The following PLEKHA7 variants were observed in gnomAD, a reference collection of about 807,000 sequenced individuals.
PLEKHA7 encodes the protein pleckstrin homology domain-containing family A member 7.
A neutral mutation model predicts 170.0 loss-of-function variants in PLEKHA7; 104 were observed. That is an observed-to-expected ratio of 0.61 (90% CI 0.52 to 0.72). The LOEUF (loss-of-function observed/expected upper bound fraction) is 0.72. PLEKHA7 is among the 30% of genes least tolerant of loss of function. The pLI is 0.00. For synonymous variants in PLEKHA7, 648 were observed against 660.8 expected, an observed-to-expected ratio of 0.98 and a Z score of 0.30; for missense variants, 1,615 against 1,671.7, an observed-to-expected ratio of 0.97 and a Z score of 0.59.
At chr11:17,000,902 T>C (rs962849734) in intron 3 of PLEKHA7, among the ~76,000 whole-genome samples, 2 of 152,204 alleles carry the variant, frequency 1.3e-5, no homozygotes, top group African/African-American at 2.4e-5. Flanking sequence ...CTCTAGGGCA[T>C]AGCTCCCATA....
chr11:16,811,704 G>A (rs1360316197), intron 13 of PLEKHA7, among the ~76,000 whole-genome samples: 2 of 152,204 alleles, frequency 1.3e-5, no homozygotes, highest in African/African-American at 2.4e-5. Flanking sequence ...CTGGCCTTGA[G>A]AGAAAGCTCC....
chr11:16,928,321 C>CA (rs1246195091), intron 3 of PLEKHA7, among the ~76,000 whole-genome samples: 1 of 151,498 alleles, frequency 6.6e-6, no homozygotes, highest in Admixed American at 6.6e-5. Context: ...AAAACAAAAA[C>CA]AAAAAAACAG....
chr11:16,830,899 T>C (rs893001664), intron 9 of PLEKHA7, among the ~76,000 whole-genome samples: 2 of 152,234 alleles, frequency 1.3e-5, no homozygotes, highest in Admixed American at 1.3e-4. Context: ...GGAGCTAATT[T>C]AACCATAATT....
At chr11:16,841,410 A>G (rs1851945955) in intron 9 of PLEKHA7, 137 bp downstream of exon 9, 6 of 974,822 alleles carry the variant, frequency 6.2e-6, no homozygotes, top group Non-Finnish European at 8.8e-6. Context: ...GTTTTTGTTT[A>G]ATGAAGAAAG....
chr11:16,805,780 A>T (rs1156956968), intron 13 of PLEKHA7, among the ~76,000 whole-genome samples: 5 of 131,038 alleles, frequency 3.8e-5, no homozygotes, highest in African/African-American at 1.2e-4. Flanking sequence ...ACAGAGCGAG[A>T]CTCCATGTCA....
intron 3 of PLEKHA7, among the ~76,000 whole-genome samples, chr11:16,972,247 G>C (rs191468981): frequency 1.1e-3 from 165 of 151,938 alleles, no homozygotes; most frequent in African/African-American, 3.8e-3. Context: ...TCAGCCTCCT[G>C]AGTAGCTGGG....
At chr11:16,865,933 G>A (rs1854353587) in intron 4 of PLEKHA7, among the ~76,000 whole-genome samples, 2 of 151,598 alleles carry the variant, frequency 1.3e-5, no homozygotes, top group Non-Finnish European at 2.9e-5. Flanking sequence ...TGCCTCCCGG[G>A]CTCAAGTGAT....
intron 3 of PLEKHA7, among the ~76,000 whole-genome samples, chr11:17,009,878 C>T (rs907291473): frequency 6.6e-5 from 10 of 152,074 alleles, no homozygotes; most frequent in South Asian, 2.1e-4. Flanking sequence ...ATCCCCTCGC[C>T]TCCGCCTCCC....
intron 10 of PLEKHA7, 96 bp downstream of exon 10, chr11:16,826,024 A>T: frequency 8.0e-7 from 1 of 1,252,252 alleles, no homozygotes; most frequent in South Asian, 1.4e-5. Flanking sequence ...AAAGAGTTTA[A>T]GGCTGCCCTT....
chr11:16,861,308 C>G (rs1853926264), intron 4 of PLEKHA7, among the ~76,000 whole-genome samples: 1 of 151,160 alleles, frequency 6.6e-6, no homozygotes, highest in Admixed American at 6.6e-5. Flanking sequence ...GGAGGATCAT[C>G]TGAGGCCAGG....
chr11:16,784,813 G>A (rs1849288893), intron 24 of PLEKHA7, among the ~76,000 whole-genome samples: 1 of 152,202 alleles, frequency 6.6e-6, no homozygotes, highest in African/African-American at 2.4e-5. Flanking sequence ...CTCCAATGAG[G>A]ACAGATTTAG....
At chr11:16,963,324 T>C (rs1862182173) in intron 3 of PLEKHA7, among the ~76,000 whole-genome samples, 1 of 152,186 alleles carries the variant, frequency 6.6e-6, no homozygotes, top group African/African-American at 2.4e-5. Context: ...TTGCTTAATT[T>C]AGGACTTTTT....
intron 21 of PLEKHA7, 127 bp downstream of exon 21, chr11:16,790,671 C>G: frequency 1.1e-6 from 1 of 899,796 alleles, no homozygotes; most frequent in Admixed American, 2.8e-5. Context: ...GCATCCCAGA[C>G]CCCCCTGACA....
chr11:16,920,465 T>C (rs1191170757), intron 3 of PLEKHA7, among the ~76,000 whole-genome samples: 1 of 152,134 alleles, frequency 6.6e-6, no homozygotes, highest in Non-Finnish European at 1.5e-5. Flanking sequence ...GAGAAAAGGT[T>C]TTTCAAAATC....
chr11:16,826,891 A>G (rs928460359), intron 9 of PLEKHA7, among the ~76,000 whole-genome samples: 11 of 152,232 alleles, frequency 7.2e-5, no homozygotes, highest in Non-Finnish European at 1.2e-4. Context: ...TAGCTCCCAA[A>G]TAAACTATGA....
chr11:16,847,090 C>CTTTTTT lies in PLEKHA7; in HGVS notation c.696+4095_696+4100dup, dbSNP rs59132787. On this transcript the variant is annotated intron_variant, in intron 8 of 26. Coordinates refer to ENST00000531066, the MANE Select transcript of PLEKHA7 (RefSeq NM_001329630.2). ...GGCTGTGGCTGAAGTTTTTTTTTTT[C>CTTTTTT]TTTTTTTTTTTTTTTTTTTTTTTTG... Among the ~76,000 whole-genome samples the CTTTTTT allele has an allele frequency of 1.2e-3, 85 of 70,820 alleles. 1 individual carries two copies. The highest frequency in any genetic ancestry group is 2.1e-3 in the Admixed American group (10 of 4,820). The allele number at this position is 70,820 out of a possible 152,430, so 46.5% of individuals were successfully genotyped here. A position where few individuals can be genotyped will look rare whatever the true frequency, so the allele number is the denominator to read the frequency against.
chr11:16,791,265 T>A lies in PLEKHA7; in HGVS notation c.2746-66A>T, dbSNP rs1847834253. On this transcript the variant is annotated intron_variant, in intron 19 of 26. Transcript: ENST00000531066. The surrounding 1 kb of genome is among the most constrained non-coding windows in gnomAD (Gnocchi z 4.5). The stretch of plus-strand genomic sequence containing the variant: ...AGCTGGAGGGAGGACTGCTAGGTAC[T>A]GCCACAGTGGAGGTTTAAAGGGTAG... The A allele has an allele frequency of 3.5e-6, 5 of 1,442,970 alleles. 1 individual carries two copies. In the South Asian group the frequency reaches 6.8e-5, roughly 20 times the overall value. 89.4% of individuals were successfully genotyped at this position (1,442,970 alleles called of 1,614,324 possible).
chr11:17,011,783 C>T (rs997110321), intron 3 of PLEKHA7, among the ~76,000 whole-genome samples: 24 of 152,158 alleles, frequency 1.6e-4, no homozygotes, highest in Non-Finnish European at 2.2e-4. Flanking sequence ...CCTCTCTCCC[C>T]ACCAAGCTTC....
chr11:16,868,414 G>C (rs1182299295), intron 4 of PLEKHA7, among the ~76,000 whole-genome samples: 2 of 152,096 alleles, frequency 1.3e-5, no homozygotes. Context: ...ATTATTCCAA[G>C]CATCTCAGGT....
Sources: allele counts gnomAD v4.1 joint callset (sites outside exome capture counted in the v4.1 genomes callset), GRCh38; gene constraint gnomAD v4.1.1; non-coding constraint Gnocchi (gnomAD v3.1); transcripts MANE v1.5; gene names NCBI Gene and HGNC (gene_info 2026-07-23, HGNC 2026-07-21).